PPM1L: variants seen among roughly 807,000 people sequenced by gnomAD.
PPM1L encodes protein phosphatase 1L.
PPM1L carries 13 observed loss-of-function variants against 31.4 expected under a neutral mutation model. The observed-to-expected ratio is 0.41, with a 90% CI of 0.27 to 0.66. The LOEUF is 0.66. Among genes scored for constraint, PPM1L ranks in the 30% least tolerant of loss-of-function variants. PPM1L has a pLI of 0.29. For missense variants in PPM1L, 326 were observed against 453.7 expected, an observed-to-expected ratio of 0.72 and a Z score of 2.56; for synonymous variants, 184 against 175.4, an observed-to-expected ratio of 1.05 and a Z score of -0.39.
intron 1 of PPM1L, among the ~76,000 whole-genome samples, chr3:160,782,357 A>G (rs1305126946): frequency 6.6e-6 from 1 of 152,224 alleles, no homozygotes; most frequent in Non-Finnish European, 1.5e-5. Flanking sequence ...TGAAATTATT[A>G]TAGGACATAA....
intron 1 of PPM1L, among the ~76,000 whole-genome samples, chr3:160,937,835 G>A (rs1390047301): frequency 2.0e-5 from 3 of 152,096 alleles, no homozygotes; most frequent in Non-Finnish European, 4.4e-5. Context: ...TGTGTCTCAA[G>A]TTCAGGATAC....
At chr3:160,851,496 T>C (rs1711522426) in intron 1 of PPM1L, among the ~76,000 whole-genome samples, 1 of 152,216 alleles carries the variant, frequency 6.6e-6, no homozygotes, top group Admixed American at 6.5e-5. Context: ...ATTGCAGTGT[T>C]TTCTAGTTGA....
At chr3:160,780,587 G>A (rs1487711403) in intron 1 of PPM1L, among the ~76,000 whole-genome samples, 1 of 152,360 alleles carries the variant, frequency 6.6e-6, no homozygotes, top group Non-Finnish European at 1.5e-5. Context: ...CAGCTTTCAT[G>A]ACAGTACCCT....
At chr3:160,842,162 T>G (rs1238483311) in intron 1 of PPM1L, 1 of 669,962 alleles carries the variant, frequency 1.5e-6, no homozygotes, top group East Asian at 2.7e-5. Flanking sequence ...CATCCTGAAA[T>G]AGTTGGGGAG....
chr3:160,827,330 A>T (rs1168832238), intron 1 of PPM1L, among the ~76,000 whole-genome samples: 1 of 151,350 alleles, frequency 6.6e-6, no homozygotes, highest in African/African-American at 2.5e-5. Context: ...AAAAAATTAA[A>T]GAGCCTTCTT....
chr3:160,970,560 G>A (rs926356498), intron 2 of PPM1L, among the ~76,000 whole-genome samples: 2 of 146,914 alleles, frequency 1.4e-5, no homozygotes, highest in African/African-American at 5.0e-5. Flanking sequence ...AGCAATTCTC[G>A]TGCATCAGCC....
chr3:160,760,067 T>G (rs78888362), intron 1 of PPM1L, among the ~76,000 whole-genome samples: 2,515 of 152,302 alleles, frequency 0.017, 63 homozygotes, highest in African/African-American at 0.057. Flanking sequence ...CCACAACTTT[T>G]ATCTCTATGA....
chr3:160,819,298 T>C (rs1381872189), intron 1 of PPM1L, among the ~76,000 whole-genome samples: 1 of 152,028 alleles, frequency 6.6e-6, no homozygotes, highest in East Asian at 1.9e-4. Flanking sequence ...TAATATAACA[T>C]AAGAAACTGA....
At chr3:160,970,787 A>ATT (rs71628437) in intron 2 of PPM1L, among the ~76,000 whole-genome samples, 9 of 97,190 alleles carry the variant, frequency 9.3e-5, no homozygotes, top group African/African-American at 1.8e-4. Flanking sequence ...TTCAGTTATA[A>ATT]TTTTTTTTTT....
At chr3:161,049,939 A>G (rs1457866346) in intron 2 of PPM1L, among the ~76,000 whole-genome samples, 1 of 152,172 alleles carries the variant, frequency 6.6e-6, no homozygotes, top group Non-Finnish European at 1.5e-5. Flanking sequence ...CCATGCAGCA[A>G]GTGTTTCATA....
chr3:160,787,621 A>G (rs1269313544), intron 1 of PPM1L, among the ~76,000 whole-genome samples: 3 of 151,946 alleles, frequency 2.0e-5, no homozygotes, highest in Non-Finnish European at 4.4e-5. Flanking sequence ...CCATTTGTCA[A>G]TTTTTGTTTT....
chr3:160,878,914 T>A (rs945610648), intron 1 of PPM1L, among the ~76,000 whole-genome samples: 7 of 152,226 alleles, frequency 4.6e-5, no homozygotes, highest in African/African-American at 1.7e-4. Context: ...GATTGAAGAA[T>A]GTCCCTGTTG....
At chr3:160,819,986 CT>C (rs1306759606) in intron 1 of PPM1L, among the ~76,000 whole-genome samples, 1 of 152,018 alleles carries the variant, frequency 6.6e-6, no homozygotes, top group Non-Finnish European at 1.5e-5. Flanking sequence ...GAATTTTGAT[CT>C]TTTAAGTTCT....
chr3:161,046,632 A>T (rs1719084030), intron 2 of PPM1L, among the ~76,000 whole-genome samples: 2 of 152,148 alleles, frequency 1.3e-5, no homozygotes, highest in South Asian at 4.1e-4. Flanking sequence ...CAGAGACACA[A>T]CCAAAAAAGA....
At chr3:160,825,347 T>G (rs889811290) in intron 1 of PPM1L, among the ~76,000 whole-genome samples, 1 of 152,116 alleles carries the variant, frequency 6.6e-6, no homozygotes, top group Non-Finnish European at 1.5e-5. Flanking sequence ...AAATTTTAGA[T>G]CAAACCATAT....
intron 2 of PPM1L, among the ~76,000 whole-genome samples, chr3:161,050,879 G>A (rs1719252519): frequency 6.6e-6 from 1 of 152,076 alleles, no homozygotes; most frequent in Non-Finnish European, 1.5e-5. Flanking sequence ...CCAAGAATTG[G>A]CATTATTAGG....
At chr3:161,058,967 C>CT (rs1432906912) in intron 2 of PPM1L, among the ~76,000 whole-genome samples, 2 of 152,082 alleles carry the variant, frequency 1.3e-5, no homozygotes, top group African/African-American at 4.8e-5. Context: ...CTTAGAATAA[C>CT]TTTTTTGTAT....
At chr3:160,766,287 A>T (rs1715099801) in intron 1 of PPM1L, among the ~76,000 whole-genome samples, 1 of 152,184 alleles carries the variant, frequency 6.6e-6, no homozygotes, top group Non-Finnish European at 1.5e-5. Flanking sequence ...AAGATATATG[A>T]TATGGTCTGG....
At chr3:160,815,041 T>A (rs1712953376) in intron 1 of PPM1L, among the ~76,000 whole-genome samples, 1 of 152,048 alleles carries the variant, frequency 6.6e-6, no homozygotes, top group African/African-American at 2.4e-5. Context: ...AGACTACACA[T>A]TGGGTGCAGT....
Sources: gnomAD v4.1 joint callset for allele counts (sites outside exome capture counted in the v4.1 genomes callset) on GRCh38, gnomAD v4.1.1 for gene constraint, MANE v1.5 for transcripts, NCBI Gene and HGNC (gene_info 2026-07-23, HGNC 2026-07-21) for gene names.